The following LRRC7 variants were observed in gnomAD, a reference collection of about 807,000 sequenced individuals.
LRRC7 encodes the protein leucine-rich repeat-containing protein 7.
Under a neutral mutation model 175.7 loss-of-function variants are expected in LRRC7, and 23 were observed. That is an observed-to-expected ratio of 0.13 (90% CI 0.09 to 0.19). The LOEUF (loss-of-function observed/expected upper bound fraction) is 0.19. LRRC7 is among the 10% of genes least tolerant of loss of function. LRRC7 has a pLI of 1.00. For synonymous variants in LRRC7, 685 were observed against 680.9 expected, an observed-to-expected ratio of 1.01 and a Z score of -0.09; for missense variants, 1,354 against 1,904.7, an observed-to-expected ratio of 0.71 and a Z score of 5.38.
chr1:69,913,441 T>TTAATG (rs1557881239), intron 7 of LRRC7, among the ~76,000 whole-genome samples: 7 of 151,606 alleles, frequency 4.6e-5, no homozygotes, highest in Admixed American at 6.6e-5. Context: ...ACACTAGGTA[T>TTAATG]TTAATGTTTC....
intron 2 of LRRC7, among the ~76,000 whole-genome samples, chr1:69,697,477 CATA>C (rs773484083): frequency 4.6e-5 from 7 of 152,188 alleles, no homozygotes; most frequent in African/African-American, 7.2e-5. Flanking sequence ...TGGGCAAAAC[CATA>C]ATAAGTGTTC....
chr1:69,897,937 G>T (rs1444446514), intron 7 of LRRC7, among the ~76,000 whole-genome samples: 2 of 152,200 alleles, frequency 1.3e-5, no homozygotes, highest in Non-Finnish European at 2.9e-5. Context: ...ATTTTGGAAA[G>T]ATTTCAATGG....
At chr1:69,704,309 T>C (rs1001672756) in intron 2 of LRRC7, among the ~76,000 whole-genome samples, 8 of 152,052 alleles carry the variant, frequency 5.3e-5, no homozygotes, top group African/African-American at 1.7e-4. Flanking sequence ...GTGTACACTT[T>C]ATTCATTAGT....
At chr1:69,662,055 G>A (rs1297132219) in intron 1 of LRRC7, among the ~76,000 whole-genome samples, 1 of 152,160 alleles carries the variant, frequency 6.6e-6, no homozygotes, top group African/African-American at 2.4e-5. Flanking sequence ...CAGGTGGGAA[G>A]ATTGTAGGAA....
At chr1:70,112,011 A>T (rs959678269) in intron 26 of LRRC7, among the ~76,000 whole-genome samples, 2 of 152,172 alleles carry the variant, frequency 1.3e-5, no homozygotes, top group Non-Finnish European at 2.9e-5. Flanking sequence ...AGGGTTTTGG[A>T]ATTTGCAATC....
chr1:70,051,637 A>T (rs374300810), intron 22 of LRRC7, among the ~76,000 whole-genome samples: 95 of 152,114 alleles, frequency 6.2e-4, no homozygotes, highest in African/African-American at 2.2e-3. Context: ...TCAGGAGCTT[A>T]AATTCAGTAC....
At position 70,038,268 on chromosome 1, in the gene LRRC7, C is replaced by T. The variant is rs1203496978; in HGVS notation, c.2444C>T (p.Thr815Ile). ...ACTGATGGCTCGCATTATGACAACA[C>T]AGGGTTTGTTGCTGAGGAAACCACA... ...NWTDGSHYDN[T>I]GFVAEETTAE... Residue 815 changes from threonine to isoleucine, a missense_variant, in exon 21 of 27, where the codon ACA (threonine) becomes ATA (isoleucine). By Grantham distance (89) the Thr-to-Ile change is moderately conservative (BLOSUM62 -1). This residue lies in a region of LRRC7 where 1,032 missense variants were observed against 1,227.2 expected (regional missense o/e 0.84). Coordinates refer to ENST00000651989, the MANE Select transcript of LRRC7 (RefSeq NM_001370785.2). 1 of 1,614,140 alleles carries T rather than the reference C, an allele frequency of 6.2e-7. No homozygotes were observed. The highest frequency in any genetic ancestry group is 8.5e-7 in the Non-Finnish European group (1 of 1,180,010).
At position 70,144,278 on chromosome 1, in the gene LRRC7, T is replaced by TCAA. The variant is rs1223688263; in HGVS notation, c.*22393_*22395dup. 1 of 152,182 alleles carries TCAA rather than the reference T, an allele frequency of 6.6e-6. No homozygotes were observed. The highest frequency in any genetic ancestry group is 1.5e-5 in the Non-Finnish European group (1 of 68,036). 9.4% of individuals were successfully genotyped at this position (152,182 alleles called of 1,614,324 possible). ...GAGCCATTTTTCGGCTTTGGTGTAC[T>TCAA]CAACTTTTTCAGTATTTAAAAAAGT... On this transcript the variant is annotated 3_prime_UTR_variant, in exon 27 of 27. Transcript: ENST00000651989.
In LRRC7 at chr1:70,011,923, A is replaced by T. The variant is rs758912320; in HGVS notation, c.1131A>T (p.Arg377Ser). ...AGAATTTCCTTCCAGAATTACCCAGAGAAGTGAGAAATAAACTTGTTTTCT... is the reference window on the plus strand; with the variant it reads ...AGAATTTCCTTCCAGAATTACCCAGTGAAGTGAGAAATAAACTTGTTTTCT... ...VDENFLPELP[R>S]EIGSCKNVTV... Residue 377 changes from arginine (R) to serine (S), a missense_variant, in exon 12 of 27, where the codon AGA (arginine) becomes AGT (serine). By Grantham distance (110) the Arg-to-Ser change is moderately radical. This residue lies in a region of LRRC7 where 201 missense variants were observed against 481.4 expected (regional missense o/e 0.42). Coordinates refer to ENST00000651989, the MANE Select transcript of LRRC7 (RefSeq NM_001370785.2). The T allele has an allele frequency of 3.4e-5, 55 of 1,602,348 alleles. No homozygotes were observed. Among genetic ancestry groups the T allele is most frequent in the Non-Finnish European group, 4.7e-5 (55 of 1,170,922 alleles).
chr1:69,663,059 A>C (rs1357607395), intron 1 of LRRC7, among the ~76,000 whole-genome samples: 1 of 152,200 alleles, frequency 6.6e-6, no homozygotes, highest in African/African-American at 2.4e-5. Flanking sequence ...AGGACAGAGA[A>C]GACTATTTAT....
chr1:69,865,543 C>G (rs1369207753), intron 7 of LRRC7, among the ~76,000 whole-genome samples: 1 of 128,156 alleles, frequency 7.8e-6, no homozygotes, highest in Non-Finnish European at 1.6e-5. Flanking sequence ...TGCAGTGGCC[C>G]GATCTCTGCT....
intron 4 of LRRC7, among the ~76,000 whole-genome samples, chr1:69,818,256 T>G (rs1422020364): frequency 6.6e-6 from 1 of 152,136 alleles, no homozygotes; most frequent in East Asian, 1.9e-4. Flanking sequence ...TGTTGTCATA[T>G]GTGGCTTTTA....
intron 25 of LRRC7, among the ~76,000 whole-genome samples, chr1:70,096,675 G>C (rs1424406624): frequency 1.3e-5 from 2 of 151,900 alleles, no homozygotes; most frequent in African/African-American, 4.8e-5. Flanking sequence ...ACTTAATGGA[G>C]TACCTAGACT....
At chr1:70,020,441 T>G (rs2101972350) in intron 15 of LRRC7, among the ~76,000 whole-genome samples, 1 of 152,066 alleles carries the variant, frequency 6.6e-6, no homozygotes, top group East Asian at 1.9e-4. Context: ...GACCCCACAA[T>G]AAAAGGAAAA....
At chr1:69,925,820 A>T (rs1647053649) in intron 7 of LRRC7, among the ~76,000 whole-genome samples, 1 of 145,836 alleles carries the variant, frequency 6.9e-6, no homozygotes, top group Admixed American at 7.1e-5. Flanking sequence ...CTCTGATTTT[A>T]GTTATTTCTT....
intron 8 of LRRC7, among the ~76,000 whole-genome samples, chr1:69,971,406 T>C (rs1410259338): frequency 6.6e-6 from 1 of 152,172 alleles, no homozygotes; most frequent in East Asian, 1.9e-4. Flanking sequence ...CTAGAACTGA[T>C]AAAAGAATTC....
intron 2 of LRRC7, among the ~76,000 whole-genome samples, chr1:69,759,004 A>G (rs1337569604): frequency 6.6e-6 from 1 of 151,996 alleles, no homozygotes; most frequent in East Asian, 1.9e-4. Flanking sequence ...AAATTTAAGG[A>G]TAAGTGAAAC....
rs753021742 is a variant in LRRC7, at chr1:70,123,101, A to C, written c.*1214A>C. ...GAATGCTTTTTCACTGAAGAGAAAG[A>C]CAAGCATGGTTAATGTAGAATTATT... On this transcript the variant is annotated 3_prime_UTR_variant, in exon 27 of 27. Coordinates refer to ENST00000651989, the MANE Select transcript of LRRC7 (RefSeq NM_001370785.2). 1.3e-5 allele frequency: 2 copies of C among 152,586 alleles called. No homozygotes were observed. Among genetic ancestry groups the C allele is most frequent in the Admixed American group, 6.5e-5 (1 of 15,278 alleles). The allele number at this position is 152,586 out of a possible 1,614,324, so 9.5% of individuals were successfully genotyped here.
At chr1:69,910,990 A>C (rs1223698543) in intron 7 of LRRC7, among the ~76,000 whole-genome samples, 1 of 152,016 alleles carries the variant, frequency 6.6e-6, no homozygotes, top group Non-Finnish European at 1.5e-5. Flanking sequence ...TGGGCATAGG[A>C]CCCTCCGAGT....
Sources: gnomAD v4.1 joint callset for allele counts (sites outside exome capture counted in the v4.1 genomes callset) on GRCh38, gnomAD v4.1.1 for gene constraint, gnomAD v4.1.1 regional missense constraint, MANE v1.5 for transcripts, NCBI Gene and HGNC (gene_info 2026-07-23, HGNC 2026-07-21) for gene names.